Variants in RIT2 observed in about 807,000 individuals in gnomAD.
The protein encoded by RIT2 is GTP-binding protein Rit2.
A neutral mutation model predicts 23.7 loss-of-function variants in RIT2; 24 were observed. That is an observed-to-expected ratio of 1.01 (90% confidence interval 0.73 to 1.43). The LOEUF is 1.43. RIT2 is among the 40% of genes most tolerant of loss of function. The pLI is 0.00. For synonymous variants in RIT2, 107 were observed against 91.1 expected, an observed-to-expected ratio of 1.17 and a Z score of -0.99; for missense variants, 236 against 266.9, an observed-to-expected ratio of 0.88 and a Z score of 0.81.
At chr18:42,936,223 C>T (rs1909455715) in intron 3 of RIT2, among the ~76,000 whole-genome samples, 1 of 152,072 alleles carries the variant, frequency 6.6e-6, no homozygotes, top group Non-Finnish European at 1.5e-5. Context: ...TATTCTCCTG[C>T]CTCAATATCA....
chr18:42,899,852 C>G (rs1212816944), intron 4 of RIT2, among the ~76,000 whole-genome samples: 1 of 152,052 alleles, frequency 6.6e-6, no homozygotes, highest in African/African-American at 2.4e-5. Context: ...GGTAAAGAAG[C>G]AGCCTCAGGC....
intron 4 of RIT2, among the ~76,000 whole-genome samples, chr18:42,788,119 G>T (rs931585558): frequency 6.6e-6 from 1 of 151,836 alleles, no homozygotes; most frequent in Non-Finnish European, 1.5e-5. Context: ...ATTACAATTT[G>T]CAAACAAAAA....
intron 2 of RIT2, among the ~76,000 whole-genome samples, chr18:42,989,465 A>G (rs1177066638): frequency 6.6e-6 from 1 of 152,218 alleles, no homozygotes; most frequent in Admixed American, 6.5e-5. Flanking sequence ...GATTAAATTA[A>G]ATTTAATATA....
chr18:42,990,074 G>A (rs974152238), intron 2 of RIT2, among the ~76,000 whole-genome samples: 2 of 151,550 alleles, frequency 1.3e-5, no homozygotes, highest in Non-Finnish European at 2.9e-5. Flanking sequence ...CAATAATGGA[G>A]GCTAAATCCT....
intron 4 of RIT2, among the ~76,000 whole-genome samples, chr18:42,744,106 C>T (rs1411263790): frequency 2.0e-5 from 3 of 152,104 alleles, no homozygotes; most frequent in Non-Finnish European, 4.4e-5. Flanking sequence ...TTGTGACCCC[C>T]ACTCCTGTCT....
At chr18:43,076,443 A>G (rs1170135474) in intron 1 of RIT2, among the ~76,000 whole-genome samples, 2 of 152,202 alleles carry the variant, frequency 1.3e-5, no homozygotes, top group Non-Finnish European at 2.9e-5. Context: ...GCAAAAACTA[A>G]AACAAAAATC....
rs143837359 is a variant in RIT2 at position 42,969,990 on chromosome 18, T to C, written c.234+4084A>G. Among the ~76,000 whole-genome samples the C allele has an allele frequency of 1.1e-4, 16 of 152,184 alleles. No homozygotes were observed. The East Asian group carries it at 1.9e-3, about 18-fold the overall frequency. ...ACAGAGCCTCAATTTTATTTCACTC[T>C]GTATTTTCTTGACCTATTGCAGTTC... is the stretch of plus-strand genomic sequence containing the variant. On this transcript the variant is annotated intron_variant, in intron 3 of 4. Coordinates refer to ENST00000326695, the MANE Select transcript of RIT2 (RefSeq NM_002930.4).
intron 1 of RIT2, among the ~76,000 whole-genome samples, chr18:43,076,413 T>C (rs1913017292): frequency 6.6e-6 from 1 of 152,088 alleles, no homozygotes; most frequent in South Asian, 2.1e-4. Flanking sequence ...GGGATACAGC[T>C]GCAGTGAACA....
intron 4 of RIT2, among the ~76,000 whole-genome samples, chr18:42,882,646 T>C (rs1218519268): frequency 1.3e-5 from 2 of 152,208 alleles, no homozygotes; most frequent in African/African-American, 4.8e-5. Flanking sequence ...TCACTGTCAC[T>C]TTTTAAGTGG....
intron 3 of RIT2, among the ~76,000 whole-genome samples, chr18:42,925,879 A>G (rs9965981): frequency 0.017 from 2,617 of 151,826 alleles, 97 homozygotes; most frequent in African/African-American, 0.06. Flanking sequence ...AAACTATTCT[A>G]TATAAGTATA....
chr18:42,894,892 A>C (rs1236354884), intron 4 of RIT2, among the ~76,000 whole-genome samples: 1 of 152,226 alleles, frequency 6.6e-6, no homozygotes, highest in African/African-American at 2.4e-5. Context: ...GTTTTAGTAG[A>C]GGGATTAAAT....
intron 1 of RIT2, among the ~76,000 whole-genome samples, chr18:43,088,523 A>G (rs529103642): frequency 6.6e-6 from 1 of 152,312 alleles, no homozygotes; most frequent in South Asian, 2.1e-4. Flanking sequence ...GCAAGAATAG[A>G]AACAGGACAG....
intron 1 of RIT2, among the ~76,000 whole-genome samples, chr18:43,088,681 C>T (rs1913344564): frequency 6.6e-6 from 1 of 152,070 alleles, no homozygotes; most frequent in Admixed American, 6.6e-5. Flanking sequence ...GAACATAGTG[C>T]ATTTGGTCTG....
intron 2 of RIT2, among the ~76,000 whole-genome samples, chr18:43,007,253 T>C (rs1009201140): frequency 6.6e-6 from 1 of 151,734 alleles, no homozygotes; most frequent in Non-Finnish European, 1.5e-5. Context: ...GAATTAAGAC[T>C]ATATGAGGGA....
chr18:43,112,509 T>C (rs1030030750), intron 1 of RIT2, among the ~76,000 whole-genome samples: 5 of 152,214 alleles, frequency 3.3e-5, no homozygotes, highest in Admixed American at 2.6e-4. Flanking sequence ...GTACATTCAT[T>C]AACTGACATA....
In RIT2 at chr18:42,863,145, T is replaced by C. The variant is rs562913642; in HGVS notation, c.426+60427A>G. On this transcript the variant is annotated intron_variant, in intron 4 of 4. Coordinates refer to ENST00000326695, the MANE Select transcript of RIT2 (RefSeq NM_002930.4). ...TCTGGAAACTGTAGACTAATGTTTA[T>C]AAATTGTGATCATCCTCTGGTCACA... Among the ~76,000 whole-genome samples the C allele has an allele frequency of 5.9e-5, 9 of 152,254 alleles. No individual in the cohort carries two copies. In the East Asian group the frequency reaches 1.2e-3, roughly 20 times the overall value.
At chr18:43,051,058 T>C (rs1359896444) in intron 1 of RIT2, among the ~76,000 whole-genome samples, 1 of 152,012 alleles carries the variant, frequency 6.6e-6, no homozygotes, top group Non-Finnish European at 1.5e-5. Context: ...GGCTCGGACT[T>C]ACAACTAGTG....
At chr18:42,907,755 A>T (rs1908660240) in intron 4 of RIT2, among the ~76,000 whole-genome samples, 1 of 54,296 alleles carries the variant, frequency 1.8e-5, no homozygotes, top group Admixed American at 1.7e-4. Flanking sequence ...CCAAGGCAGG[A>T]GGATTCTTGG....
At chr18:42,747,131 A>G (rs1443792889) in intron 4 of RIT2, among the ~76,000 whole-genome samples, 2 of 152,058 alleles carry the variant, frequency 1.3e-5, no homozygotes. Flanking sequence ...TCCTGATGAT[A>G]TAATTGTATA....
Sources: gnomAD v4.1 joint callset for allele counts (sites outside exome capture counted in the v4.1 genomes callset) on GRCh38, gnomAD v4.1.1 for gene constraint, MANE v1.5 for transcripts, NCBI Gene and HGNC (gene_info 2026-07-23, HGNC 2026-07-21) for gene names.